The following ARMC2 variants were observed in gnomAD, a reference collection of about 807,000 sequenced individuals.
The protein encoded by ARMC2 is armadillo repeat containing 2, also known as armadillo repeat-containing protein 2.
In ARMC2, 67 loss-of-function variants were observed where a neutral mutation model predicts 90.3. The ratio of observed to expected loss-of-function variants is 0.74; its 90% CI spans 0.61 to 0.91. The LOEUF is 0.91. Among genes scored for constraint, ARMC2 ranks in the 40% least tolerant of loss-of-function variants. ARMC2 has a pLI of 0.00. For missense variants in ARMC2, 920 were observed against 1,030.9 expected, an observed-to-expected ratio of 0.89 and a Z score of 1.47; for synonymous variants, 393 against 393.0, an observed-to-expected ratio of 1.00 and a Z score of 0.00.
intron 5 of ARMC2, among the ~76,000 whole-genome samples, chr6:108,882,506 C>T (rs902662253): frequency 1.3e-5 from 2 of 149,954 alleles, no homozygotes; most frequent in Non-Finnish European, 3.0e-5. Flanking sequence ...AGATTCTAAG[C>T]CCATATAAGG....
At chr6:108,868,334 A>G (rs1301013775) in intron 3 of ARMC2, among the ~76,000 whole-genome samples, 1 of 152,110 alleles carries the variant, frequency 6.6e-6, no homozygotes, top group Non-Finnish European at 1.5e-5. Context: ...CTCCTGCCTC[A>G]GCCTACTGAG....
chr6:108,928,550 C>G (rs1488781118), intron 11 of ARMC2, among the ~76,000 whole-genome samples: 1 of 152,176 alleles, frequency 6.6e-6, no homozygotes, highest in Admixed American at 6.5e-5. Context: ...ATACAAAACA[C>G]AGCAAACCTT....
intron 10 of ARMC2, among the ~76,000 whole-genome samples, chr6:108,916,402 T>C (rs569187855): frequency 9.8e-5 from 15 of 152,330 alleles, no homozygotes; most frequent in Non-Finnish European, 2.2e-4. Flanking sequence ...GTCAGAAATG[T>C]AATAGCATTT....
intron 5 of ARMC2, among the ~76,000 whole-genome samples, chr6:108,891,535 C>T (rs1771024207): frequency 6.6e-6 from 1 of 152,230 alleles, no homozygotes; most frequent in Non-Finnish European, 1.5e-5. Context: ...TATTTGTTGG[C>T]CGCATAAATG....
At chr6:109,000,206 T>G in the ARMC2 span, 2 of 223,118 alleles carry the variant, frequency 9.0e-6, no homozygotes, top group Non-Finnish European at 8.7e-6. Context: ...CTATTCCATA[T>G]GATATTGTAA....
At chr6:109,030,949 C>A in the ARMC2 span, among the ~76,000 whole-genome samples, 1 of 152,188 alleles carries the variant, frequency 6.6e-6, no homozygotes, top group Non-Finnish European at 1.5e-5. Context: ...GTTTAAAATG[C>A]AGCTTCAGAG....
chr6:108,937,446 T>C (rs2768556), intron 12 of ARMC2, among the ~76,000 whole-genome samples: 42,309 of 152,066 alleles, frequency 0.28, 6,292 homozygotes, highest in East Asian at 0.4. Flanking sequence ...GGACTTCTGA[T>C]GCAAATTAAG....
chr6:108,907,218 T>TA (rs553311114), intron 8 of ARMC2, among the ~76,000 whole-genome samples: 120 of 152,252 alleles, frequency 7.9e-4, no homozygotes, highest in African/African-American at 2.8e-3. Context: ...CACTTTTTAC[T>TA]AAAAATGTAA....
At chr6:108,885,227 GGT>G (rs61665393) in intron 5 of ARMC2, among the ~76,000 whole-genome samples, 112,218 of 149,702 alleles carry the variant, frequency 0.75, 42,581 homozygotes, top group South Asian at 0.84. Flanking sequence ...GGTGCCAAGG[GGT>G]GTGTGTGTGT....
chr6:108,942,470 AGT>A (rs1776521864), intron 12 of ARMC2, among the ~76,000 whole-genome samples: 1 of 152,056 alleles, frequency 6.6e-6, no homozygotes. Context: ...TTCTGATGTG[AGT>A]GTATTGATCT....
intron 3 of ARMC2, among the ~76,000 whole-genome samples, chr6:108,860,420 T>C (rs1473785209): frequency 6.6e-6 from 1 of 152,012 alleles, no homozygotes; most frequent in African/African-American, 2.4e-5. Context: ...CCCAGCACTT[T>C]GGGAGGTTGA....
chr6:108,883,149 T>C (rs991114049), intron 5 of ARMC2, among the ~76,000 whole-genome samples: 3 of 152,232 alleles, frequency 2.0e-5, no homozygotes, highest in African/African-American at 7.2e-5. Flanking sequence ...CAGGCTGGCT[T>C]CTGGTTTTCT....
At chr6:108,869,442 A>G (rs1358166143) in intron 4 of ARMC2, among the ~76,000 whole-genome samples, 1 of 152,164 alleles carries the variant, frequency 6.6e-6, no homozygotes, top group African/African-American at 2.4e-5. Flanking sequence ...CAGGAGGTGG[A>G]GGTTGCAGTG....
At chr6:108,923,394 T>C (rs1199642995) in intron 10 of ARMC2, among the ~76,000 whole-genome samples, 1 of 151,480 alleles carries the variant, frequency 6.6e-6, no homozygotes, top group Non-Finnish European at 1.5e-5. Context: ...GTGGGTGGGC[T>C]TTTCTTGAGG....
intron 13 of ARMC2, among the ~76,000 whole-genome samples, chr6:108,956,686 G>A (rs866804417): frequency 3.3e-5 from 5 of 152,042 alleles, no homozygotes; most frequent in Non-Finnish European, 7.4e-5. Flanking sequence ...GGGCAACAGA[G>A]TGAGACCCTG....
chr6:109,012,032 A>G, the ARMC2 span, among the ~76,000 whole-genome samples: 1 of 152,204 alleles, frequency 6.6e-6, no homozygotes, highest in South Asian at 2.1e-4. Flanking sequence ...AGGATTTCGA[A>G]GGTAGGCCTG....
intron 10 of ARMC2, among the ~76,000 whole-genome samples, chr6:108,925,771 G>A (rs1775051907): frequency 6.6e-6 from 1 of 152,168 alleles, no homozygotes; most frequent in African/African-American, 2.4e-5. Context: ...TATGTTTCAT[G>A]CATGTTATTT....
At chr6:109,023,623 C>G in the ARMC2 span, among the ~76,000 whole-genome samples, 1 of 152,152 alleles carries the variant, frequency 6.6e-6, no homozygotes, top group East Asian at 1.9e-4. Flanking sequence ...GTTTATCTTA[C>G]TTTGAAATTA....
chr6:108,921,170 C>T (rs191902507), intron 10 of ARMC2, among the ~76,000 whole-genome samples: 1 of 152,292 alleles, frequency 6.6e-6, no homozygotes, highest in Admixed American at 6.5e-5. Flanking sequence ...GCTGCATTGC[C>T]ATTCTAGATT....
Sources: allele counts gnomAD v4.1 joint callset (sites outside exome capture counted in the v4.1 genomes callset), GRCh38; gene constraint gnomAD v4.1.1; transcripts MANE v1.5; gene names NCBI Gene and HGNC (gene_info 2026-07-23, HGNC 2026-07-21).